The following NIBAN1 variants were observed in gnomAD, a reference collection of about 807,000 sequenced individuals.
The protein encoded by NIBAN1 is protein Niban 1.
NIBAN1 carries 81 observed loss-of-function variants against 75.1 expected under a neutral mutation model. The observed-to-expected ratio is 1.08, with a 90% CI of 0.90 to 1.30. The LOEUF is 1.30. NIBAN1 is among the 50% of genes most tolerant of loss of function. NIBAN1 has a pLI of 0.00. For synonymous variants in NIBAN1, 436 were observed against 424.8 expected (o/e 1.03, Z -0.32); for missense variants, 1,133 against 1,128.1 (o/e 1.00, Z -0.06).
intron 3 of NIBAN1, among the ~76,000 whole-genome samples, chr1:184,893,241 C>T (rs1478728092): frequency 1.3e-5 from 2 of 152,136 alleles, no homozygotes; most frequent in East Asian, 1.9e-4. Flanking sequence ...TTTGACCTAA[C>T]TGTTTAGCTT....
intron 10 of NIBAN1, among the ~76,000 whole-genome samples, chr1:184,807,591 C>T (rs1654240927): frequency 6.6e-6 from 1 of 152,114 alleles, no homozygotes; most frequent in Admixed American, 6.5e-5. Flanking sequence ...AGTTTGAGAC[C>T]AGCCTGGCCA....
At chr1:184,800,885 C>A (rs7528332) in intron 12 of NIBAN1, among the ~76,000 whole-genome samples, 13,040 of 152,156 alleles carry the variant, frequency 0.086, 1,785 homozygotes, top group African/African-American at 0.29. Flanking sequence ...TAGTCAAGGG[C>A]TCTTCAGAAA....
chr1:184,826,867 G>T (rs1449720361), intron 6 of NIBAN1, among the ~76,000 whole-genome samples: 3 of 152,014 alleles, frequency 2.0e-5, no homozygotes, highest in African/African-American at 4.8e-5. Flanking sequence ...TGGCGGGGGG[G>T]TGATATGGTT....
chr1:184,890,079 G>A, intron 4 of NIBAN1, 29 bp downstream of exon 4: 1 of 1,513,248 alleles, frequency 6.6e-7, no homozygotes, highest in Non-Finnish European at 9.2e-7. Context: ...TAGTCATTTT[G>A]CCTTGGAAAA....
intron 1 of NIBAN1, among the ~76,000 whole-genome samples, chr1:184,899,925 T>G (rs1186151750): frequency 6.7e-6 from 1 of 148,430 alleles, no homozygotes; most frequent in East Asian, 2.1e-4. Context: ...CAAGCGATTC[T>G]CCCGCCTCAG....
At chr1:184,914,605 A>T (rs1428166398) in intron 1 of NIBAN1, among the ~76,000 whole-genome samples, 2 of 152,162 alleles carry the variant, frequency 1.3e-5, no homozygotes, top group Non-Finnish European at 2.9e-5. Flanking sequence ...ATAATTGAGG[A>T]TTACAACATG....
At chr1:184,925,827 C>T (rs1331234920) in intron 1 of NIBAN1, among the ~76,000 whole-genome samples, 1 of 152,022 alleles carries the variant, frequency 6.6e-6, no homozygotes, top group Non-Finnish European at 1.5e-5. Flanking sequence ...TTTGATCAGT[C>T]CATCTTTTAG....
At chr1:184,800,624 T>C (rs947489599) in intron 12 of NIBAN1, among the ~76,000 whole-genome samples, 2 of 152,012 alleles carry the variant, frequency 1.3e-5, no homozygotes. Context: ...AAATAGGGAA[T>C]CCTTTCCCCA....
At chr1:184,843,540 T>C (rs1047840731) in intron 5 of NIBAN1, among the ~76,000 whole-genome samples, 2 of 152,212 alleles carry the variant, frequency 1.3e-5, no homozygotes, top group Non-Finnish European at 2.9e-5. Context: ...ATGCTTTCCA[T>C]ACACCTGAAA....
chr1:184,874,873 A>AAT (rs10696042), intron 5 of NIBAN1, among the ~76,000 whole-genome samples: 27,678 of 151,794 alleles, frequency 0.18, 5,014 homozygotes, highest in African/African-American at 0.48. Flanking sequence ...AAGGCTATAG[A>AAT]ATATATATTG....
intron 1 of NIBAN1, among the ~76,000 whole-genome samples, chr1:184,952,561 T>C (rs796140827): frequency 3.3e-5 from 5 of 152,290 alleles, no homozygotes; most frequent in African/African-American, 1.2e-4. Context: ...GGATAGCTAA[T>C]GAGCTAAAAA....
At chr1:184,812,279 G>T (rs2102204259) in intron 9 of NIBAN1, among the ~76,000 whole-genome samples, 1 of 152,270 alleles carries the variant, frequency 6.6e-6, no homozygotes, top group East Asian at 1.9e-4. Context: ...TTTAAGCTTT[G>T]CCAGTTTGAT....
intron 1 of NIBAN1, among the ~76,000 whole-genome samples, chr1:184,921,544 G>A (rs1657555753): frequency 6.6e-6 from 1 of 152,172 alleles, no homozygotes; most frequent in African/African-American, 2.4e-5. Context: ...GTGCTTTTAA[G>A]ACATATTTCA....
At chr1:184,894,713 A>T (rs2101982732) in intron 2 of NIBAN1, among the ~76,000 whole-genome samples, 1 of 152,136 alleles carries the variant, frequency 6.6e-6, no homozygotes, top group Admixed American at 6.5e-5. Context: ...AGCCATGGGG[A>T]CCCCTCTCCA....
chr1:184,932,387 T>C (rs116321211), intron 1 of NIBAN1, among the ~76,000 whole-genome samples: 1,749 of 152,264 alleles, frequency 0.011, 27 homozygotes, highest in African/African-American at 0.039. Flanking sequence ...TTGTCAGACA[T>C]TAGTTAGATT....
intron 5 of NIBAN1, among the ~76,000 whole-genome samples, chr1:184,881,537 C>G (rs1185629877): frequency 2.0e-5 from 3 of 152,104 alleles, no homozygotes; most frequent in African/African-American, 7.2e-5. Flanking sequence ...GTTCTTGGAT[C>G]TCGCGCAAGA....
Position 184,803,598 on chromosome 1 carries a change from G to A in NIBAN1, c.1541C>T (p.Ser514Phe). ...TLPTVQKALA[S>F]TCKPELQKYE... The stretch of plus-strand genomic sequence containing the variant: ...TCATCCCCTTACTGGTTTGCATGTG[G>A]ACGCCAGTGCCTTCTGCACAGTGGG... Residue 514 changes from serine (S) to phenylalanine (F), a missense_variant, in exon 12 of 14, where the codon TCC becomes TTC. Coordinates refer to ENST00000367511, the MANE Select transcript of NIBAN1 (RefSeq NM_052966.4). The A allele has an allele frequency of 1.2e-6, 2 of 1,613,934 alleles. No individual in the cohort carries two copies. The highest frequency in any genetic ancestry group is 1.7e-6 in the Non-Finnish European group (2 of 1,179,828).
At chr1:184,893,942 A>G (rs1571553214) in intron 3 of NIBAN1, 133 bp downstream of exon 3, 1 of 842,860 alleles carries the variant, frequency 1.2e-6, no homozygotes, top group African/African-American at 1.7e-5. Context: ...TGAATGAATC[A>G]GTCTCTATTT....
chr1:184,880,165 C>T (rs1023898707), intron 5 of NIBAN1, among the ~76,000 whole-genome samples: 1 of 152,242 alleles, frequency 6.6e-6, no homozygotes, highest in Non-Finnish European at 1.5e-5. Flanking sequence ...CCAGTGATGG[C>T]TGCCTTCTAA....
Sources: gnomAD v4.1 joint callset for allele counts (sites outside exome capture counted in the v4.1 genomes callset) on GRCh38, gnomAD v4.1.1 for gene constraint, MANE v1.5 for transcripts, NCBI Gene and HGNC (gene_info 2026-07-23, HGNC 2026-07-21) for gene names.